The following CUBN variants were observed in gnomAD, a reference collection of about 807,000 sequenced individuals.
CUBN encodes the protein cubilin.
A neutral mutation model predicts 405.3 loss-of-function variants in CUBN; 282 were observed. The observed-to-expected ratio is 0.70, with a 90% CI of 0.63 to 0.77. The LOEUF (loss-of-function observed/expected upper bound fraction) is 0.77, where lower values mean the gene tolerates loss of function less well. CUBN is among the 30% of genes least tolerant of loss of function. CUBN has a pLI of 0.00. For synonymous variants in CUBN, 1,684 were observed against 1,617.0 expected (o/e 1.04, Z -0.99); for missense variants, 4,514 against 4,475.2 (o/e 1.01, Z -0.25).
chr10:17,096,499 AAAAT>A (rs1365575658), intron 14 of CUBN, among the ~76,000 whole-genome samples: 1 of 152,120 alleles, frequency 6.6e-6, no homozygotes, highest in African/African-American at 2.4e-5. Flanking sequence ...ATAATGTAAG[AAAAT>A]AAATAAAGCA....
At chr10:17,004,238 T>G (rs1488737853) in intron 28 of CUBN, among the ~76,000 whole-genome samples, 2 of 152,362 alleles carry the variant, frequency 1.3e-5, no homozygotes, top group East Asian at 3.9e-4. Context: ...TTTCTACACC[T>G]GCTTCCTAAC....
chr10:17,098,636 C>T (rs1037221979), intron 14 of CUBN, among the ~76,000 whole-genome samples: 16 of 152,164 alleles, frequency 1.1e-4, no homozygotes, highest in African/African-American at 3.9e-4. Flanking sequence ...GGAAAAATAT[C>T]CTTCATTCAC....
intron 31 of CUBN, among the ~76,000 whole-genome samples, chr10:16,957,347 T>C (rs1843093201): frequency 6.6e-6 from 1 of 152,220 alleles, no homozygotes; most frequent in Admixed American, 6.5e-5. Context: ...GGCTCATCCA[T>C]GATGCCACAA....
chr10:16,841,336 G>C (rs150021775), intron 60 of CUBN, among the ~76,000 whole-genome samples: 1 of 152,142 alleles, frequency 6.6e-6, no homozygotes, highest in African/African-American at 2.4e-5. Context: ...CCTCTGCACC[G>C]ACTCACACTA....
chr10:16,960,940 T>C (rs897669972), intron 31 of CUBN, among the ~76,000 whole-genome samples: 3 of 152,190 alleles, frequency 2.0e-5, no homozygotes, highest in Admixed American at 6.5e-5. Flanking sequence ...GCAGAGGACA[T>C]TGGACCCGTC....
At chr10:16,908,640 T>A (rs1256848039) in intron 48 of CUBN, among the ~76,000 whole-genome samples, 1 of 152,184 alleles carries the variant, frequency 6.6e-6, no homozygotes, top group Admixed American at 6.5e-5. Flanking sequence ...GTTACAATAA[T>A]TCGCAAACTA....
chr10:17,101,411 A>T (rs887819852), intron 13 of CUBN, among the ~76,000 whole-genome samples: 1 of 152,202 alleles, frequency 6.6e-6, no homozygotes, highest in South Asian at 2.1e-4. Flanking sequence ...AAGGAAGGAA[A>T]TTCACATAGC....
At chr10:16,950,137 T>C (rs1411841149) in intron 33 of CUBN, 26 bp from the exon 34 acceptor site, 4 of 1,537,676 alleles carry the variant, frequency 2.6e-6, no homozygotes, top group Non-Finnish European at 3.6e-6. Context: ...GAAGACTCTC[T>C]CGTAAAGTAC....
chr10:16,961,683 T>G (rs1379165375), intron 31 of CUBN, among the ~76,000 whole-genome samples: 1 of 151,344 alleles, frequency 6.6e-6, no homozygotes, highest in African/African-American at 2.4e-5. Context: ...GCAGGATTCC[T>G]TTTAGAGGGA....
intron 31 of CUBN, among the ~76,000 whole-genome samples, chr10:16,969,638 C>T (rs1303063405): frequency 2.0e-5 from 3 of 152,152 alleles, no homozygotes; most frequent in Non-Finnish European, 4.4e-5. Flanking sequence ...CAGGCGTGAG[C>T]CACTGAGCCC....
chr10:17,029,455 G>A (rs1176577369), intron 27 of CUBN, among the ~76,000 whole-genome samples: 1 of 152,144 alleles, frequency 6.6e-6, no homozygotes, highest in East Asian at 1.9e-4. Context: ...AAAGCATCTG[G>A]CTTCGCTAAC....
At chr10:17,036,766 G>C (rs1456891149) in intron 27 of CUBN, among the ~76,000 whole-genome samples, 1 of 152,122 alleles carries the variant, frequency 6.6e-6, no homozygotes, top group Non-Finnish European at 1.5e-5. Context: ...ATAATAAATG[G>C]CACCTGCTTA....
chr10:16,829,408 C>CTTTCGATG (rs1838906786), intron 65 of CUBN, among the ~76,000 whole-genome samples: 1 of 150,350 alleles, frequency 6.7e-6, no homozygotes, highest in Non-Finnish European at 1.5e-5. Flanking sequence ...TGTCTGTGTG[C>CTTTCGATG]TTTCGATGGT....
chr10:17,116,518 G>C (rs548484717), intron 6 of CUBN, among the ~76,000 whole-genome samples: 5 of 152,320 alleles, frequency 3.3e-5, no homozygotes, highest in African/African-American at 1.2e-4. Context: ...GGAAATGACT[G>C]TTGGTGCCAG....
rs144499757 is a variant in CUBN at position 16,837,425 on chromosome 10, C to T, written c.10033-1043G>A. Among the ~76,000 whole-genome samples the T allele has an allele frequency of 1.7e-3, 259 of 152,186 alleles. 1 individual carries two copies. Among genetic ancestry groups the T allele is most frequent in the African/African-American group, 5.8e-3 (242 of 41,520 alleles). On this transcript the variant is annotated intron_variant, in intron 62 of 66. Transcript: ENST00000377833. ...TGGCCAAAGATATTCTTACCATTAT[C>T]GTCACTCTCATTTACTTTTCTCCCA... is the stretch of plus-strand genomic sequence containing the variant.
At chr10:16,868,790 A>G (rs538989206) in intron 59 of CUBN, among the ~76,000 whole-genome samples, 1 of 152,210 alleles carries the variant, frequency 6.6e-6, no homozygotes, top group African/African-American at 2.4e-5. Flanking sequence ...CACCCTCTCC[A>G]GTCCAAATTC....
At chr10:16,917,370 T>C (rs926375881) in intron 45 of CUBN, among the ~76,000 whole-genome samples, 9 of 152,206 alleles carry the variant, frequency 5.9e-5, no homozygotes, top group African/African-American at 2.2e-4. Flanking sequence ...AGACTGTTTT[T>C]TTCTCTATAT....
chr10:16,954,325 C>G (rs902478494), intron 32 of CUBN, 64 bp downstream of exon 32: 1 of 1,573,594 alleles, frequency 6.4e-7, no homozygotes, highest in East Asian at 2.2e-5. Flanking sequence ...TCTCATTTCA[C>G]TGTTGCACCA....
At chr10:17,121,031 C>T (rs933666985) in intron 6 of CUBN, among the ~76,000 whole-genome samples, 1 of 152,124 alleles carries the variant, frequency 6.6e-6, no homozygotes, top group African/African-American at 2.4e-5. Flanking sequence ...AAATGAGAGA[C>T]TAGACTGCAT....
Sources: gnomAD v4.1 joint callset for allele counts (sites outside exome capture counted in the v4.1 genomes callset) on GRCh38, gnomAD v4.1.1 for gene constraint, MANE v1.5 for transcripts, NCBI Gene and HGNC (gene_info 2026-07-23, HGNC 2026-07-21) for gene names.